STK32B: variants seen among roughly 807,000 people sequenced by gnomAD.
STK32B encodes the protein serine/threonine-protein kinase 32B.
A neutral mutation model predicts 52.6 loss-of-function variants in STK32B; 43 were observed. The observed-to-expected ratio is 0.82, with a 90% confidence interval of 0.64 to 1.05. The LOEUF is 1.05. Ranked by LOEUF, STK32B falls within the 50% of genes least tolerant of loss-of-function variation. STK32B has a pLI of 0.00. For synonymous variants in STK32B, 238 were observed against 204.3 expected, an observed-to-expected ratio of 1.17 and a Z score of -1.41; for missense variants, 621 against 534.6, an observed-to-expected ratio of 1.16 and a Z score of -1.59.
chr4:5,309,719 T>TA (rs1730165280), intron 3 of STK32B, among the ~76,000 whole-genome samples: 1 of 152,188 alleles, frequency 6.6e-6, no homozygotes, highest in Non-Finnish European at 1.5e-5. Context: ...TCTCATTATA[T>TA]AAAAACCAAC....
chr4:5,493,080 G>C (rs1719885547), intron 11 of STK32B, among the ~76,000 whole-genome samples: 1 of 151,434 alleles, frequency 6.6e-6, no homozygotes, highest in Non-Finnish European at 1.5e-5. Context: ...GTATCAGGAT[G>C]ATGCTGGCCT....
In STK32B at chr4:5,231,709, G is replaced by GA. The variant is rs1277211612; in HGVS notation, c.260+63266dup. ...AGATGGAATGGTTGGGGTTGGAAAA[G>GA]AAAAAAACTGATGACCAAGGGCTGA... is the stretch of plus-strand genomic sequence containing the variant. On this transcript the variant is annotated intron_variant, in intron 3 of 11. Transcript: ENST00000282908. Among the ~76,000 whole-genome samples the GA allele has an allele frequency of 3.9e-5, 6 of 152,118 alleles. No individual in the cohort carries two copies. The South Asian group carries it at 6.2e-4, about 16-fold the overall frequency.
intron 11 of STK32B, among the ~76,000 whole-genome samples, chr4:5,496,441 G>C (rs187773729): frequency 2.0e-4 from 31 of 152,194 alleles, no homozygotes; most frequent in Admixed American, 1.0e-3. Flanking sequence ...GCGCAGTATT[G>C]GGGTGGGAGT....
intron 4 of STK32B, among the ~76,000 whole-genome samples, chr4:5,370,816 A>G (rs1034753054): frequency 1.3e-5 from 2 of 151,734 alleles, no homozygotes; most frequent in African/African-American, 4.8e-5. Flanking sequence ...AAATAAAAAT[A>G]AAAAAAATTA....
intron 3 of STK32B, among the ~76,000 whole-genome samples, chr4:5,190,966 G>GT (rs1248682280): frequency 7.9e-5 from 12 of 152,226 alleles, no homozygotes; most frequent in Non-Finnish European, 1.3e-4. Context: ...TCTCTACAAC[G>GT]TAACACTGCC....
intron 2 of STK32B, among the ~76,000 whole-genome samples, chr4:5,145,183 T>C (rs541082788): frequency 3.4e-4 from 52 of 152,360 alleles, no homozygotes; most frequent in African/African-American, 9.4e-4. Flanking sequence ...TAAGCACCAA[T>C]GTCTTCCACC....
intron 2 of STK32B, among the ~76,000 whole-genome samples, chr4:5,141,961 AC>A (rs1187772709): frequency 6.6e-6 from 1 of 151,548 alleles, no homozygotes. Flanking sequence ...CCCCCCTGGA[AC>A]CTCCCCAACC....
chr4:5,026,460 G>A, the STK32B span, among the ~76,000 whole-genome samples: 1 of 152,200 alleles, frequency 6.6e-6, no homozygotes, highest in Non-Finnish European at 1.5e-5. Flanking sequence ...TGGCAGGAGA[G>A]AGAATAAGAA....
rs75845714 is a variant in STK32B at position 5,085,211 on chromosome 4, G to A, written c.52+33296G>A. On this transcript the variant is annotated intron_variant, in intron 1 of 11. Transcript: ENST00000282908. ...TTTTACTTAAAATTTCTATGCTTCC[G>A]TTTCTTTGTGTATAAAATAGGAAAT... 1.9e-3 allele frequency among the ~76,000 whole-genome samples: 294 copies of A among 152,180 alleles called. 3 individuals carry two copies. The highest frequency in any genetic ancestry group is 6.6e-3 in the African/African-American group (273 of 41,524).
intron 3 of STK32B, among the ~76,000 whole-genome samples, chr4:5,220,308 A>G (rs1011983725): frequency 6.6e-6 from 1 of 152,224 alleles, no homozygotes; most frequent in African/African-American, 2.4e-5. Context: ...GACCAGAAGG[A>G]CAGGGTCCCA....
chr4:5,247,969 C>T (rs1232426319), intron 3 of STK32B, among the ~76,000 whole-genome samples: 2 of 152,128 alleles, frequency 1.3e-5, no homozygotes, highest in Non-Finnish European at 2.9e-5. Context: ...TTACTCATAT[C>T]AGCAAGTCTG....
At chr4:5,078,729 C>G in intron 1 of STK32B, among the ~76,000 whole-genome samples, 1 of 152,168 alleles carries the variant, frequency 6.6e-6, no homozygotes, top group East Asian at 1.9e-4. Flanking sequence ...GCCAGAGTTT[C>G]CCTGCCTGGC....
chr4:5,316,005 G>A (rs1323622332), intron 3 of STK32B, among the ~76,000 whole-genome samples: 3 of 148,954 alleles, frequency 2.0e-5, no homozygotes, highest in South Asian at 2.1e-4. Context: ...GGGACTGGCC[G>A]AGTATTTTAT....
intron 1 of STK32B, among the ~76,000 whole-genome samples, chr4:5,108,437 A>G (rs532331657): frequency 1.4e-4 from 22 of 152,308 alleles, no homozygotes; most frequent in African/African-American, 4.1e-4. Flanking sequence ...ATAGTTTTCT[A>G]AAGTGCCCTT....
At chr4:5,357,003 A>G (rs1560348187) in intron 4 of STK32B, among the ~76,000 whole-genome samples, 5 of 149,410 alleles carry the variant, frequency 3.3e-5, no homozygotes, top group African/African-American at 1.3e-4. Flanking sequence ...TCTCTCTCAT[A>G]TGTGTATATA....
chr4:5,263,797 A>G (rs1198273523), intron 3 of STK32B, among the ~76,000 whole-genome samples: 1 of 152,148 alleles, frequency 6.6e-6, no homozygotes, highest in African/African-American at 2.4e-5. Context: ...ATCATCCCCC[A>G]AATTTCTCTG....
intron 1 of STK32B, among the ~76,000 whole-genome samples, chr4:5,117,688 G>A (rs1714815233): frequency 1.3e-5 from 2 of 151,874 alleles, no homozygotes; most frequent in Non-Finnish European, 2.9e-5. Context: ...TTTTTTTCTA[G>A]CATAACATTT....
At chr4:5,381,400 A>G (rs16837061) in intron 4 of STK32B, among the ~76,000 whole-genome samples, 48,256 of 152,072 alleles carry the variant, frequency 0.32, 9,378 homozygotes, top group African/African-American at 0.55. Context: ...GCATTTTCTC[A>G]TGGTATCTTC....
chr4:5,052,365 G>T (rs562406228), intron 1 of STK32B, among the ~76,000 whole-genome samples: 146 of 152,230 alleles, frequency 9.6e-4, no homozygotes, highest in African/African-American at 3.3e-3. Context: ...ATTTGGTCTC[G>T]TGCAAGGGCC....
Sources: allele counts gnomAD v4.1 joint callset (sites outside exome capture counted in the v4.1 genomes callset), GRCh38; gene constraint gnomAD v4.1.1; transcripts MANE v1.5; gene names NCBI Gene and HGNC (gene_info 2026-07-23, HGNC 2026-07-21).